Variants in SRSF4 observed in about 807,000 individuals in gnomAD.
The protein encoded by SRSF4 is serine/arginine-rich splicing factor 4.
A neutral mutation model predicts 48.8 loss-of-function variants in SRSF4; 12 were observed. The observed-to-expected ratio is 0.25, with a 90% CI of 0.16 to 0.40. SRSF4 has a LOEUF of 0.40. SRSF4 is among the 10% of genes least tolerant of loss of function. SRSF4 has a pLI of 1.00. For missense variants in SRSF4, 466 were observed against 667.1 expected, an observed-to-expected ratio of 0.70 and a Z score of 3.32; for synonymous variants, 248 against 232.5, an observed-to-expected ratio of 1.07 and a Z score of -0.61.
intron 1 of SRSF4, 147 bp from the exon 2 acceptor site, chr1:29,160,664 A>C: frequency 2.4e-6 from 2 of 840,914 alleles, no homozygotes; most frequent in Non-Finnish European, 3.5e-6. Flanking sequence ...CTTCAGGTGA[A>C]ACCACTTTGC....
At chr1:29,174,385 A>T (rs1672801849) in intron 1 of SRSF4, among the ~76,000 whole-genome samples, 1 of 152,200 alleles carries the variant, frequency 6.6e-6, no homozygotes, top group Non-Finnish European at 1.5e-5. Context: ...ATTCATATAA[A>T]GGATATTCAA....
Position 29,149,158 on chromosome 1 carries a change from TTC to T in SRSF4, c.735_736del (p.Ser247GlnfsTer14). ...CTTTTCCTTGCTGGGGCTCCTGCTT[TTC>T]TCTTTCTTGCTCCGGCTCCGACTCT... On this transcript the variant is annotated frameshift_variant, in exon 6 of 6. Coordinates refer to ENST00000373795, the MANE Select transcript of SRSF4 (RefSeq NM_005626.5). LOFTEE classifies it high-confidence loss of function. 6.2e-7 allele frequency: 1 copy of T among 1,606,632 alleles called. No individual in the cohort carries two copies.
chr1:29,156,903 A>G (rs536043938), intron 3 of SRSF4, among the ~76,000 whole-genome samples: 118 of 152,376 alleles, frequency 7.7e-4, no homozygotes, highest in African/African-American at 2.8e-3. Context: ...ACTGAGTACA[A>G]TCACTTAGAT....
chr1:29,157,320 G>A (rs1672515691), intron 3 of SRSF4, among the ~76,000 whole-genome samples: 1 of 152,062 alleles, frequency 6.6e-6, no homozygotes, highest in Non-Finnish European at 1.5e-5. Context: ...ACTAAGCTCT[G>A]TTCTAACAAA....
chr1:29,149,696 AAAAAAAAAAG>A (rs1672375316), intron 5 of SRSF4, among the ~76,000 whole-genome samples: 1 of 132,168 alleles, frequency 7.6e-6, no homozygotes, highest in African/African-American at 2.5e-5. Flanking sequence ...GGGAAAAAAA[AAAAAAAAAAG>A]AAAAAGAAGC....
In SRSF4 at chr1:29,181,889, A is replaced by T. The variant is rs967431408; in HGVS notation, c.-137T>A. The T allele has an allele frequency of 1.7e-6, 1 of 576,252 alleles. No individual in the cohort carries two copies. The highest frequency in any genetic ancestry group is 2.6e-6 in the Non-Finnish European group (1 of 377,406). The allele number at this position is 576,252 out of a possible 1,614,324, so 35.7% of individuals were successfully genotyped here. On this transcript the variant is annotated 5_prime_UTR_variant, in exon 1 of 6. Transcript: ENST00000373795. ...GGACGCAGCCGAACCCCGGCGACGT[A>T]CGCGAGCACGCAGCTCGCGAGCGCG...
chr1:29,154,142 C>T (rs1672462519), intron 4 of SRSF4, among the ~76,000 whole-genome samples: 2 of 152,082 alleles, frequency 1.3e-5, no homozygotes, highest in African/African-American at 4.8e-5. Context: ...CAACCTCTGC[C>T]CCTACTGGGT....
chr1:29,166,253 C>A (rs998559170), intron 1 of SRSF4, among the ~76,000 whole-genome samples: 1 of 152,106 alleles, frequency 6.6e-6, no homozygotes, highest in African/African-American at 2.4e-5. Flanking sequence ...ATGCTTCAGC[C>A]AACTTGGTCT....
chr1:29,169,075 A>ATAAT (rs1201433057), intron 1 of SRSF4: 1 of 152,254 alleles, frequency 6.6e-6, no homozygotes, highest in Admixed American at 6.5e-5. Flanking sequence ...TTTCTTTGTA[A>ATAAT]TAATTACTAC....
chr1:29,149,868 A>G (rs1417183135), intron 5 of SRSF4, among the ~76,000 whole-genome samples: 1 of 151,800 alleles, frequency 6.6e-6, no homozygotes, highest in Non-Finnish European at 1.5e-5. Flanking sequence ...GTCTCTAAAA[A>G]AAATTAAAAA....
chr1:29,149,181 A>G lies in SRSF4; in HGVS notation c.714T>C (p.Ser238=), dbSNP rs1574187507. 6.2e-7 allele frequency: 1 copy of G among 1,609,342 alleles called. No homozygotes were observed. The highest frequency in any genetic ancestry group is 1.3e-5 in the African/African-American group (1 of 74,278). Residue 238 remains serine (S), a synonymous_variant, in exon 6 of 6, where the codon AGT becomes AGC. Coordinates refer to ENST00000373795, the MANE Select transcript of SRSF4 (RefSeq NM_005626.5). The stretch of plus-strand genomic sequence containing the variant: ...TTTTCTCTTTCTTGCTCCGGCTCCG[A>G]CTCTGGCTCCGGCTCCGGCTCTTGC... ...SRSKSRSRSQ[S]RSRSKKEKSR...
intron 1 of SRSF4, among the ~76,000 whole-genome samples, chr1:29,164,113 G>A (rs1672636476): frequency 6.6e-6 from 1 of 152,180 alleles, no homozygotes; most frequent in Non-Finnish European, 1.5e-5. Context: ...AGCCTCCCAA[G>A]TAGCTGGGAT....
At chr1:29,181,238 C>T (rs558246441) in intron 1 of SRSF4, among the ~76,000 whole-genome samples, 1 of 152,326 alleles carries the variant, frequency 6.6e-6, no homozygotes, top group South Asian at 2.1e-4. Flanking sequence ...TGAAAGGGAG[C>T]AGGAAATCCT....
At chr1:29,159,725 C>A in intron 2 of SRSF4, 1 of 320,920 alleles carries the variant, frequency 3.1e-6, no homozygotes, top group Non-Finnish European at 5.7e-6. Flanking sequence ...TTAAGATTAA[C>A]ATGCATAAAT....
intron 3 of SRSF4, among the ~76,000 whole-genome samples, chr1:29,157,059 T>C (rs1033513491): frequency 5.9e-5 from 9 of 152,054 alleles, no homozygotes; most frequent in Admixed American, 4.6e-4. Flanking sequence ...TATCGGAGAG[T>C]AGCTGGTGGG....
At position 29,169,130 on chromosome 1, in the gene SRSF4, T is replaced by A. The variant is rs922401858; in HGVS notation, c.108-8613A>T. The stretch of plus-strand genomic sequence containing the variant: ...ACGATGTATAAAGCATTATGCTAAG[T>A]GCTTTACACACATTATATCCATTTA... On this transcript the variant is annotated intron_variant, in intron 1 of 5. Coordinates refer to ENST00000373795, the MANE Select transcript of SRSF4 (RefSeq NM_005626.5). 3.9e-5 allele frequency: 6 copies of A among 152,380 alleles called. No individual in the cohort carries two copies. The East Asian group carries it at 1.2e-3, about 29-fold the overall frequency. The allele number at this position is 152,380 out of a possible 1,614,324, so 9.4% of individuals were successfully genotyped here.
chr1:29,158,576 C>A (rs1024911126), intron 3 of SRSF4, among the ~76,000 whole-genome samples: 1 of 152,150 alleles, frequency 6.6e-6, no homozygotes, highest in East Asian at 1.9e-4. Context: ...ACTACAGGTG[C>A]CCACCACCAC....
Position 29,148,572 on chromosome 1 carries a change from C to T in SRSF4, c.1323G>A (p.Arg441=), listed in dbSNP as rs754516133. ...SENAGTNQET[R]SRSRSNSKSK... ...ATTTGGAATTGGATCTCGACCTGGA[C>T]CGGGTCTCCTGATTGGTGCCAGCAT... Residue 441 remains arginine, a synonymous_variant, in exon 6 of 6, where the codon CGG becomes CGA. Coordinates refer to ENST00000373795, the MANE Select transcript of SRSF4 (RefSeq NM_005626.5). The T allele has an allele frequency of 6.8e-6, 11 of 1,614,052 alleles. No homozygotes were observed. Among genetic ancestry groups the T allele is most frequent in the Middle Eastern group, 1.6e-4 (1 of 6,062 alleles).
rs976354431 is a variant in SRSF4 at position 29,148,838 on chromosome 1, T to C, written c.1057A>G (p.Lys353Glu). ...RSRSRSKSKDKRKGRKRSREE... is the reference protein window; with the variant it reads ...RSRSRSKSKDERKGRKRSREE... ...CTGCTTCTCTTCCTGCCCTTCCTCT[T>C]GTCCTTGCTCTTGCTGCGGCTCCTG... Residue 353 changes from lysine (K) to glutamate (E), a missense_variant, in exon 6 of 6, where the codon AAG becomes GAG. This residue lies in a region of SRSF4 where 402 missense variants were observed against 437.0 expected (regional missense o/e 0.92). Transcript: ENST00000373795. The C allele has an allele frequency of 1.2e-6, 2 of 1,608,522 alleles. No homozygotes were observed. Among genetic ancestry groups the C allele is most frequent in the Non-Finnish European group, 1.7e-6 (2 of 1,176,548 alleles).
Sources: gnomAD v4.1 joint callset for allele counts (sites outside exome capture counted in the v4.1 genomes callset) on GRCh38, gnomAD v4.1.1 for gene constraint, gnomAD v4.1.1 regional missense constraint, MANE v1.5 for transcripts, NCBI Gene and HGNC (gene_info 2026-07-23, HGNC 2026-07-21) for gene names.